NUP58: variants seen among roughly 807,000 people sequenced by gnomAD.
NUP58 encodes nucleoporin p58/p45.
A neutral mutation model predicts 70.1 loss-of-function variants in NUP58; 17 were observed. That is an observed-to-expected ratio of 0.24 (90% CI 0.17 to 0.36). The LOEUF (loss-of-function observed/expected upper bound fraction) is 0.36, where lower values mean the gene tolerates loss of function less well. NUP58 is among the 10% of genes least tolerant of loss of function. NUP58 has a pLI of 1.00. For missense variants in NUP58, 644 were observed against 701.5 expected (o/e 0.92, Z 0.93); for synonymous variants, 275 against 257.6 (o/e 1.07, Z -0.65).
At chr13:25,337,119 TCTC>T in intron 14 of NUP58, 85 bp downstream of exon 14, 1 of 778,544 alleles carries the variant, frequency 1.3e-6, no homozygotes, top group Non-Finnish European at 1.9e-6. Context: ...TCTAAGAGAA[TCTC>T]CTGCTATTTT....
rs1456822683 is a variant in NUP58 at position 25,332,150 on chromosome 13, G to A, written c.1435+592G>A. ...TGCTAGAATTGTACCTTTCCAAGGT[G>A]AACAGAACAGCAAGAGCAGGAAAAA... On this transcript the variant is annotated intron_variant, in intron 13 of 15. Transcript: ENST00000381736. 4 of 986,980 alleles carry A rather than the reference G, an allele frequency of 4.1e-6. No individual in the cohort carries two copies. The East Asian group carries it at 4.5e-4, about 112-fold the overall frequency. The allele number at this position is 986,980 out of a possible 1,614,324, so 61.1% of individuals were successfully genotyped here. A position where few individuals can be genotyped will look rare whatever the true frequency, so the allele number is the denominator to read the frequency against.
In NUP58 at chr13:25,340,109, C is replaced by T. The variant is rs1440515418; in HGVS notation, c.1775C>T (p.Ala592Val). The T allele has an allele frequency of 6.2e-7, 1 of 1,612,490 alleles. No homozygotes were observed. The highest frequency in any genetic ancestry group is 1.3e-5 in the African/African-American group (1 of 74,800). The change falls in exon 16 of 16, where the codon GCT becomes GTT. Residue 592 changes from alanine (A) to valine (V), a missense_variant. This residue lies in a region of NUP58 where 132 missense variants were observed against 203.9 expected (regional missense o/e 0.65). Transcript: ENST00000381736. ...GQLLQLKKPP[A>V]GNKRGKR ...CTCCTTCAGTTGAAGAAACCTCCAG[C>T]TGGAAACAAAAGAGGAAAAAGATAA...
Position 25,341,512 on chromosome 13 carries a change from T to G in NUP58, c.*1378T>G, listed in dbSNP as rs965594195. On this transcript the variant is annotated 3_prime_UTR_variant, in exon 16 of 16. Coordinates refer to ENST00000381736, the MANE Select transcript of NUP58 (RefSeq NM_014089.4). ...CCTCTTAATGTCTTAAGTAAGTGCT[T>G]AATTTGGAATAGAGAAACCAGTATA... The G allele has an allele frequency of 2.0e-5, 3 of 152,620 alleles. No homozygotes were observed. Among genetic ancestry groups the G allele is most frequent in the Non-Finnish European group, 2.9e-5 (2 of 68,020 alleles). 9.5% of individuals were successfully genotyped at this position (152,620 alleles called of 1,614,324 possible).
chr13:25,333,311 C>G, intron 13 of NUP58: 1 of 985,352 alleles, frequency 1.0e-6, no homozygotes, highest in African/African-American at 1.7e-5. Context: ...TCTTTGCCCT[C>G]TGTGGTGGTT....
At chr13:25,305,353 G>T (rs549345475) in intron 1 of NUP58, among the ~76,000 whole-genome samples, 3 of 151,732 alleles carry the variant, frequency 2.0e-5, no homozygotes, top group African/African-American at 7.3e-5. Context: ...TGTTTTTTCG[G>T]TAGAGAGAGT....
intron 13 of NUP58, chr13:25,334,633 A>G (rs1241607753): frequency 2.0e-6 from 2 of 981,972 alleles, no homozygotes; most frequent in Non-Finnish European, 2.4e-6. Flanking sequence ...ATTATTTTAA[A>G]ATGTGACTTA....
intron 15 of NUP58, 121 bp from the exon 16 acceptor site, chr13:25,339,844 A>G (rs1424324500): frequency 9.6e-6 from 8 of 837,046 alleles, no homozygotes; most frequent in Admixed American, 5.6e-5. Context: ...GGGCTTTAAT[A>G]TATTTGCTAT....
At chr13:25,334,175 A>C in intron 13 of NUP58, 1 of 985,416 alleles carries the variant, frequency 1.0e-6, no homozygotes, top group Non-Finnish European at 1.2e-6. Flanking sequence ...TAACGTGGAT[A>C]ACGTAGTTCC....
intron 3 of NUP58, among the ~76,000 whole-genome samples, chr13:25,310,206 A>ATTTTTTTTTTTTT (rs796547133): frequency 2.1e-5 from 1 of 47,484 alleles, no homozygotes; most frequent in African/African-American, 6.5e-5. Context: ...CCCTTGGCTA[A>ATTTTTTTTTTTTT]TTTTTTTTTT....
intron 13 of NUP58, chr13:25,336,256 A>T (rs148394126): frequency 7.3e-7 from 1 of 1,366,612 alleles, no homozygotes; most frequent in Non-Finnish European, 9.8e-7. Context: ...ATAGAACTCA[A>T]TTATCACTTT....
At position 25,321,010 on chromosome 13, in the gene NUP58, C is replaced by T; in HGVS notation, c.868C>T (p.Leu290=). Residue 290 remains leucine, a synonymous_variant, in exon 9 of 16, where the codon CTG becomes TTG. Transcript: ENST00000381736. ...MLKVQEDIKA[L]KQLLSLAANG... ...TAAGGTACAAGAAGATATTAAAGCT[C>T]TGAAGCAGCTCCTGTCGTTGGCTGC... 6.3e-7 allele frequency: 1 copy of T among 1,599,584 alleles called. No homozygotes were observed. The highest frequency in any genetic ancestry group is 8.5e-7 in the Non-Finnish European group (1 of 1,174,904).
rs910070474 is a variant in NUP58, at chr13:25,331,397, T to C, written c.1274T>C (p.Leu425Ser). 1 of 1,614,142 alleles carries C rather than the reference T, an allele frequency of 6.2e-7. No individual in the cohort carries two copies. Reference sequence around the variant, plus strand: ...TACCTTGGCTACAGGAAAATGTTCTTGGGAGATGCTGTTGATGTGTTTGAA... The same window carrying C: ...TACCTTGGCTACAGGAAAATGTTCTCGGGAGATGCTGTTGATGTGTTTGAA... ...EQYLGYRKMF[L>S]GDAVDVFETR... The change falls in exon 13 of 16, where the codon TTG (leucine) becomes TCG (serine). Residue 425 changes from leucine (L) to serine (S), a missense_variant. Physicochemically the swap from Leu to Ser is moderately radical, Grantham distance 145. Coordinates refer to ENST00000381736, the MANE Select transcript of NUP58 (RefSeq NM_014089.4).
chr13:25,319,280 G>C, intron 6 of NUP58, 46 bp from the exon 7 acceptor site: 1 of 1,533,506 alleles, frequency 6.5e-7, no homozygotes, highest in Non-Finnish European at 9.0e-7. Context: ...GGAGTATGTT[G>C]TTCAATTACC....
downstream of NUP58, among the ~76,000 whole-genome samples, chr13:25,343,464 T>A (rs1212302702): frequency 1.3e-5 from 2 of 148,976 alleles, no homozygotes; most frequent in Non-Finnish European, 3.0e-5. Context: ...ATTAATTCAT[T>A]CCTTTTTTTT....
chr13:25,336,824 A>T, intron 13 of NUP58, 112 bp from the exon 14 acceptor site: 1 of 686,280 alleles, frequency 1.5e-6, no homozygotes, highest in Non-Finnish European at 2.3e-6. Flanking sequence ...GGAATCAGTT[A>T]AAAGTAATCA....
downstream of NUP58, among the ~76,000 whole-genome samples, chr13:25,346,100 G>A (rs755141775): frequency 2.6e-5 from 4 of 152,146 alleles, no homozygotes; most frequent in South Asian, 2.1e-4. Flanking sequence ...TTAATAATTT[G>A]TGTGATCCAC....
intron 13 of NUP58, among the ~76,000 whole-genome samples, chr13:25,336,500 C>T (rs1365991086): frequency 6.6e-6 from 1 of 151,830 alleles, no homozygotes; most frequent in African/African-American, 2.4e-5. Context: ...TTGACTCTAA[C>T]ACTAAGGAGC....
In NUP58 at chr13:25,326,938, C is replaced by A; in HGVS notation, c.1054C>A (p.Gln352Lys). The change falls in exon 11 of 16, where the codon CAA (glutamine) becomes AAA (lysine). Residue 352 changes from glutamine to lysine, a missense_variant. Around this residue, in one of 4 missense-constraint regions of NUP58, gnomAD observed 430 missense variants for 409.2 expected, o/e 1.05. Transcript: ENST00000381736. ...AAGCTACTTCAGAATCTTGGTTCAGCAATTTGAGGTACAGCTTCAGCAGTA... is the reference window on the plus strand; with the variant it reads ...AAGCTACTTCAGAATCTTGGTTCAGAAATTTGAGGTACAGCTTCAGCAGTA... ...PADYFRILVQ[Q>K]FEVQLQQYRQ... 1 of 1,584,368 alleles carries A rather than the reference C, an allele frequency of 6.3e-7. No individual in the cohort carries two copies. Among genetic ancestry groups the A allele is most frequent in the Non-Finnish European group, 8.6e-7 (1 of 1,166,052 alleles).
chr13:25,308,655 A>G (rs1323812323), intron 2 of NUP58, among the ~76,000 whole-genome samples: 2 of 152,156 alleles, frequency 1.3e-5, no homozygotes, highest in Non-Finnish European at 2.9e-5. Flanking sequence ...TTGTATTATT[A>G]AAACAAAGTG....
Sources: gnomAD v4.1 joint callset for allele counts (sites outside exome capture counted in the v4.1 genomes callset) on GRCh38, gnomAD v4.1.1 for gene constraint, gnomAD v4.1.1 regional missense constraint, MANE v1.5 for transcripts, NCBI Gene and HGNC (gene_info 2026-07-23, HGNC 2026-07-21) for gene names.